SGCZ: variants seen among roughly 807,000 people sequenced by gnomAD.
SGCZ encodes sarcoglycan zeta.
Under a neutral mutation model 41.3 loss-of-function variants are expected in SGCZ, and 40 were observed. The ratio of observed to expected loss-of-function variants is 0.97; its 90% CI spans 0.75 to 1.26. The LOEUF is 1.26. SGCZ is among the 50% of genes most tolerant of loss of function. SGCZ has a pLI of 0.00. For synonymous variants in SGCZ, 206 were observed against 137.5 expected (o/e 1.50, Z -3.49); for missense variants, 552 against 369.8 (o/e 1.49, Z -4.04).
At chr8:15,156,884 G>A (rs1339718780) in intron 1 of SGCZ, among the ~76,000 whole-genome samples, 1 of 150,538 alleles carries the variant, frequency 6.6e-6, no homozygotes, top group Admixed American at 6.6e-5. Context: ...GACGGAGGTG[G>A]CAGTAAGCCG....
intron 2 of SGCZ, among the ~76,000 whole-genome samples, chr8:14,514,565 T>G (rs2117083552): frequency 6.6e-6 from 1 of 151,332 alleles, no homozygotes; most frequent in Non-Finnish European, 1.5e-5. Context: ...TTTCTCATGT[T>G]CCCTCTCATA....
intron 3 of SGCZ, among the ~76,000 whole-genome samples, chr8:14,303,614 A>G (rs1801261616): frequency 6.6e-6 from 1 of 152,148 alleles, no homozygotes; most frequent in South Asian, 2.1e-4. Flanking sequence ...ATGACTCTAA[A>G]AAACTTCCAG....
intron 3 of SGCZ, among the ~76,000 whole-genome samples, chr8:14,257,903 AAGATAT>A (rs1255691002): frequency 1.3e-5 from 2 of 152,174 alleles, no homozygotes; most frequent in Non-Finnish European, 2.9e-5. Flanking sequence ...TGAAACTGGA[AAGATAT>A]AGATATAGAT....
intron 1 of SGCZ, among the ~76,000 whole-genome samples, chr8:14,699,072 T>G (rs1424675930): frequency 1.3e-5 from 2 of 151,588 alleles, no homozygotes; most frequent in Admixed American, 6.6e-5. Flanking sequence ...GAGCTTTAAT[T>G]TATACAAACA....
chr8:14,334,986 C>T (rs1033942651), intron 2 of SGCZ, among the ~76,000 whole-genome samples: 2 of 152,050 alleles, frequency 1.3e-5, no homozygotes, highest in African/African-American at 2.4e-5. Flanking sequence ...GTACAGATAT[C>T]CTTCTGAGCT....
intron 5 of SGCZ, among the ~76,000 whole-genome samples, chr8:14,143,430 G>A (rs1803431671): frequency 6.6e-6 from 1 of 152,200 alleles, no homozygotes; most frequent in South Asian, 2.1e-4. Flanking sequence ...CAAGGAATGT[G>A]AAAACAATTT....
intron 1 of SGCZ, among the ~76,000 whole-genome samples, chr8:15,178,690 T>C (rs955230843): frequency 2.6e-5 from 4 of 152,154 alleles, no homozygotes; most frequent in Non-Finnish European, 4.4e-5. Flanking sequence ...GGAGCTATAA[T>C]CAAAGACAGA....
At chr8:15,097,232 T>C (rs1353688575) in intron 1 of SGCZ, among the ~76,000 whole-genome samples, 2 of 152,176 alleles carry the variant, frequency 1.3e-5, no homozygotes, top group Non-Finnish European at 2.9e-5. Context: ...AAATAATTAC[T>C]CTAATGCACA....
chr8:14,361,764 C>T (rs978468722), intron 2 of SGCZ, among the ~76,000 whole-genome samples: 3 of 152,106 alleles, frequency 2.0e-5, no homozygotes, highest in Admixed American at 6.6e-5. Context: ...AGAGGCATTC[C>T]GGTTTTTGGA....
At chr8:14,608,370 C>T (rs1288712984) in intron 1 of SGCZ, among the ~76,000 whole-genome samples, 1 of 151,570 alleles carries the variant, frequency 6.6e-6, no homozygotes, top group Admixed American at 6.6e-5. Context: ...GTTCTGCAGG[C>T]TGCACAAGCA....
chr8:14,307,185 A>T (rs1379014843), intron 3 of SGCZ, among the ~76,000 whole-genome samples: 6 of 152,156 alleles, frequency 3.9e-5, no homozygotes, highest in African/African-American at 1.4e-4. Flanking sequence ...AAAATAGGAC[A>T]TTTAATTGAC....
chr8:14,187,909 C>G (rs951661586), intron 4 of SGCZ, among the ~76,000 whole-genome samples: 2 of 151,678 alleles, frequency 1.3e-5, no homozygotes, highest in African/African-American at 2.4e-5. Context: ...ATGATGAAAG[C>G]CAAAGACAAG....
At chr8:14,778,544 G>A (rs1233729781) in intron 1 of SGCZ, among the ~76,000 whole-genome samples, 1 of 152,016 alleles carries the variant, frequency 6.6e-6, no homozygotes, top group Admixed American at 6.5e-5. Context: ...AGAAAAGACA[G>A]TGTATAGTCT....
intron 1 of SGCZ, among the ~76,000 whole-genome samples, chr8:14,850,743 C>T (rs939478802): frequency 3.9e-5 from 6 of 152,096 alleles, no homozygotes; most frequent in South Asian, 4.1e-4. Flanking sequence ...GTAATTGAAT[C>T]ATGGCGGCAG....
chr8:14,188,698 T>C (rs1020254221), intron 4 of SGCZ, among the ~76,000 whole-genome samples: 3 of 152,154 alleles, frequency 2.0e-5, no homozygotes, highest in Non-Finnish European at 4.4e-5. Context: ...ATATGTGAAT[T>C]ATATTCCAAT....
chr8:14,222,304 G>T (rs1238707542), intron 4 of SGCZ, among the ~76,000 whole-genome samples: 1 of 151,696 alleles, frequency 6.6e-6, no homozygotes, highest in East Asian at 2.0e-4. Context: ...CGAGTAGCTG[G>T]GACTACAGGC....
intron 1 of SGCZ, among the ~76,000 whole-genome samples, chr8:14,890,326 G>A (rs1322216982): frequency 6.6e-6 from 1 of 152,052 alleles, no homozygotes; most frequent in Non-Finnish European, 1.5e-5. Flanking sequence ...GTTCTTGAAG[G>A]AAATTAAAAG....
At chr8:14,962,067 G>A (rs556219379) in intron 1 of SGCZ, among the ~76,000 whole-genome samples, 19 of 152,128 alleles carry the variant, frequency 1.2e-4, no homozygotes, top group South Asian at 4.2e-4. Flanking sequence ...ATAAACATAG[G>A]ACAGAAAGAA....
At chr8:14,888,207 C>G (rs200765744) in intron 1 of SGCZ, among the ~76,000 whole-genome samples, 4 of 152,082 alleles carry the variant, frequency 2.6e-5, no homozygotes, top group East Asian at 3.9e-4. Flanking sequence ...TAGTAGTGAC[C>G]TTTATCCTTA....
Sources: gnomAD v4.1 joint callset for allele counts (sites outside exome capture counted in the v4.1 genomes callset) on GRCh38, gnomAD v4.1.1 for gene constraint, MANE v1.5 for transcripts, NCBI Gene and HGNC (gene_info 2026-07-23, HGNC 2026-07-21) for gene names.